MRPL37: variants seen among roughly 807,000 people sequenced by gnomAD.
The protein encoded by MRPL37 is large ribosomal subunit protein mL37.
In MRPL37, 34 loss-of-function variants were observed where a neutral mutation model predicts 44.1. The observed-to-expected ratio is 0.77, with a 90% CI of 0.59 to 1.03. The LOEUF is 1.03. MRPL37 is among the 50% of genes least tolerant of loss of function. The probability of loss-of-function intolerance (pLI) is 0.00; values close to 1 mark genes in which losing one functional copy is unlikely to be tolerated. For missense variants in MRPL37, 532 were observed against 543.7 expected (o/e 0.98, Z 0.21); for synonymous variants, 212 against 219.5 (o/e 0.97, Z 0.30).
intron 5 of MRPL37, among the ~76,000 whole-genome samples, chr1:54,214,839 G>A (rs2100514074): frequency 6.6e-6 from 1 of 152,290 alleles, no homozygotes; most frequent in East Asian, 1.9e-4. Flanking sequence ...ATCTGTAGAG[G>A]GAGATAAGAG....
Position 54,200,591 on chromosome 1 carries a change from T to C in MRPL37, c.346+2T>C. On this transcript the variant is annotated splice_donor_variant, in intron 1 of 6. Transcript: ENST00000360840. LOFTEE classifies it high-confidence loss of function. Reference sequence around the variant, plus strand: ...ACCACCGTTGCCGCCTTCTCGAGGGTGAGGCCCCAGGACGGGCGGCAAGGG... The same window carrying C: ...ACCACCGTTGCCGCCTTCTCGAGGGCGAGGCCCCAGGACGGGCGGCAAGGG... 6.3e-7 allele frequency: 1 copy of C among 1,589,598 alleles called. No homozygotes were observed. Among genetic ancestry groups the C allele is most frequent in the Non-Finnish European group, 8.6e-7 (1 of 1,163,426 alleles).
intron 1 of MRPL37, among the ~76,000 whole-genome samples, chr1:54,203,386 A>T (rs769454318): frequency 6.6e-6 from 1 of 152,132 alleles, no homozygotes; most frequent in African/African-American, 2.4e-5. Context: ...AAATTAAAAA[A>T]CAGGCGAGGG....
At chr1:54,221,653 CCA>C (rs1017107697), downstream of MRPL37, among the ~76,000 whole-genome samples, 3 of 152,156 alleles carry the variant, frequency 2.0e-5, no homozygotes, top group African/African-American at 4.8e-5. Flanking sequence ...CATCACACTC[CCA>C]CACATGCAGT....
intron 5 of MRPL37, 41 bp downstream of exon 5, chr1:54,212,699 G>A: frequency 2.5e-6 from 4 of 1,612,512 alleles, no homozygotes; most frequent in Non-Finnish European, 3.4e-6. Context: ...TTTACGTGGT[G>A]TTGGTCTCCT....
downstream of MRPL37, among the ~76,000 whole-genome samples, chr1:54,221,157 G>T (rs1198958120): frequency 6.6e-6 from 1 of 152,030 alleles, no homozygotes; most frequent in Non-Finnish European, 1.5e-5. Flanking sequence ...CTTCTTAGAA[G>T]CCAGGTGGAA....
chr1:54,215,910 A>G (rs530456659), intron 5 of MRPL37, among the ~76,000 whole-genome samples: 19 of 152,316 alleles, frequency 1.2e-4, no homozygotes, highest in African/African-American at 3.4e-4. Flanking sequence ...ATGTGCTCAA[A>G]TAGAAGAGCA....
downstream of MRPL37, among the ~76,000 whole-genome samples, chr1:54,222,476 G>A (rs1435128156): frequency 1.3e-5 from 2 of 152,146 alleles, no homozygotes; most frequent in African/African-American, 4.8e-5. Flanking sequence ...TGTGAGGAGC[G>A]TGGACTTGGT....
Position 54,206,727 on chromosome 1 carries a change from CTTTCT to C in MRPL37, c.646+1331_646+1335del, listed in dbSNP as rs1054890445. Among the ~76,000 whole-genome samples, 15 of 151,460 alleles carry C rather than the reference CTTTCT, an allele frequency of 9.9e-5. No individual in the cohort carries two copies. The South Asian group carries it at 1.7e-3, about 17-fold the overall frequency. On this transcript the variant is annotated intron_variant, in intron 3 of 6. Transcript: ENST00000360840. ...TCCCGGCCTAGAATACTCTTTTCTG[CTTTCT>C]TTTCTTTTCTTTTTTTTTTTTTTCC... is the stretch of plus-strand genomic sequence containing the variant.
downstream of MRPL37, among the ~76,000 whole-genome samples, chr1:54,224,095 G>T (rs572190788): frequency 6.6e-6 from 1 of 152,334 alleles, no homozygotes; most frequent in East Asian, 1.9e-4. Flanking sequence ...GTCTGTGCCT[G>T]ACTCCTGCTC....
At position 54,216,174 on chromosome 1, in the gene MRPL37, G is replaced by C; in HGVS notation, c.1024G>C (p.Val342Leu). ...DAKVLEQPVV[V>L]QSVGTDGRVF... is the part of the protein sequence containing the mutation. Reference sequence around the variant, plus strand: ...CAAGGTCTTGGAGCAGCCCGTGGTGGTGCAGAGCGTGGGCACGGATGGACG... The same window carrying C: ...CAAGGTCTTGGAGCAGCCCGTGGTGCTGCAGAGCGTGGGCACGGATGGACG... Residue 342 changes from valine to leucine, a missense_variant, in exon 6 of 7, where the codon GTG becomes CTG. Val to Leu is a conservative substitution (Grantham distance 32, BLOSUM62 1). Coordinates refer to ENST00000360840, the MANE Select transcript of MRPL37 (RefSeq NM_016491.4). The C allele has an allele frequency of 1.2e-6, 2 of 1,614,226 alleles. No individual in the cohort carries two copies. Among genetic ancestry groups the C allele is most frequent in the Non-Finnish European group, 1.7e-6 (2 of 1,180,050 alleles).
At position 54,218,156 on chromosome 1, in the gene MRPL37, AC is replaced by A. The variant is rs769891895; in HGVS notation, c.1195-14del. The A allele has an allele frequency of 4.4e-6, 7 of 1,606,332 alleles. No homozygotes were observed. Among genetic ancestry groups the A allele is most frequent in the Non-Finnish European group, 6.0e-6 (7 of 1,173,108 alleles). ...AAACCTAGTAGCAGGATCCTAATGA[AC>A]CGTGTTCTTTCCAGGAACCTGTTGG... On this transcript the variant is annotated splice_polypyrimidine_tract_variant and intron_variant, in intron 6 of 6. Coordinates refer to ENST00000360840, the MANE Select transcript of MRPL37 (RefSeq NM_016491.4).
chr1:54,214,193 A>G (rs2100513482), intron 5 of MRPL37, among the ~76,000 whole-genome samples: 1 of 152,316 alleles, frequency 6.6e-6, no homozygotes, highest in East Asian at 1.9e-4. Flanking sequence ...TCAAAGGAAA[A>G]AAAAGAAAAA....
At chr1:54,206,835 A>G (rs1379111200) in intron 3 of MRPL37, among the ~76,000 whole-genome samples, 1 of 151,578 alleles carries the variant, frequency 6.6e-6, no homozygotes. Flanking sequence ...CCTGGGTTCA[A>G]GTGATTCTCC....
downstream of MRPL37, among the ~76,000 whole-genome samples, chr1:54,220,278 T>C (rs1478357117): frequency 6.6e-6 from 1 of 152,082 alleles, no homozygotes; most frequent in Non-Finnish European, 1.5e-5. Flanking sequence ...AGGCTCTGAG[T>C]AAGCGGACCA....
chr1:54,210,757 G>A (rs969098369), intron 4 of MRPL37, among the ~76,000 whole-genome samples: 3 of 152,104 alleles, frequency 2.0e-5, no homozygotes, highest in African/African-American at 4.8e-5. Flanking sequence ...AGTCTTTACT[G>A]TCCTTACCTA....
At chr1:54,222,064 C>T (rs1488325863), downstream of MRPL37, among the ~76,000 whole-genome samples, 1 of 152,234 alleles carries the variant, frequency 6.6e-6, no homozygotes, top group Non-Finnish European at 1.5e-5. Flanking sequence ...AGGGGTGCCA[C>T]TGAGCACATT....
At chr1:54,220,266 G>A (rs112929960), downstream of MRPL37, among the ~76,000 whole-genome samples, 10 of 152,120 alleles carry the variant, frequency 6.6e-5, no homozygotes, top group Non-Finnish European at 1.2e-4. Context: ...CGAGTGGGAC[G>A]GAGGCTCTGA....
intron 3 of MRPL37, among the ~76,000 whole-genome samples, chr1:54,208,593 T>TCAGTGC (rs915766701): frequency 5.4e-5 from 8 of 148,776 alleles, no homozygotes; most frequent in African/African-American, 2.0e-4. Context: ...AACTCTAGTC[T>TCAGTGC]CAGTGCTCCT....
At chr1:54,222,505 G>A (rs370519801), downstream of MRPL37, among the ~76,000 whole-genome samples, 3 of 152,136 alleles carry the variant, frequency 2.0e-5, no homozygotes, top group African/African-American at 4.8e-5. Context: ...CACGGTGGGC[G>A]TGGCCACCTG....
Sources: gnomAD v4.1 joint callset for allele counts (sites outside exome capture counted in the v4.1 genomes callset) on GRCh38, gnomAD v4.1.1 for gene constraint, MANE v1.5 for transcripts, NCBI Gene and HGNC (gene_info 2026-07-23, HGNC 2026-07-21) for gene names.